ASIC2: variants seen among roughly 807,000 people sequenced by gnomAD.
ASIC2 encodes the protein acid sensing ion channel subunit 2.
Under a neutral mutation model 57.3 loss-of-function variants are expected in ASIC2, and 25 were observed. The ratio of observed to expected loss-of-function variants is 0.44; its 90% CI spans 0.32 to 0.61. The LOEUF (loss-of-function observed/expected upper bound fraction) is 0.61, where lower values mean the gene tolerates loss of function less well. Ranked by LOEUF, ASIC2 falls within the 20% of genes least tolerant of loss-of-function variation. The probability of loss-of-function intolerance (pLI) is 0.06; values close to 1 mark genes in which losing one functional copy is unlikely to be tolerated. For missense variants in ASIC2, 641 were observed against 738.1 expected (o/e 0.87, Z 1.52); for synonymous variants, 319 against 307.5 (o/e 1.04, Z -0.39).
intron 1 of ASIC2, among the ~76,000 whole-genome samples, chr17:34,098,320 A>G (rs1289600187): frequency 6.6e-6 from 1 of 152,210 alleles, no homozygotes; most frequent in Non-Finnish European, 1.5e-5. Flanking sequence ...AGGAAACTTG[A>G]TGACATCAAG....
intron 1 of ASIC2, among the ~76,000 whole-genome samples, chr17:33,921,081 A>G (rs1366846491): frequency 6.6e-6 from 1 of 152,184 alleles, no homozygotes; most frequent in East Asian, 1.9e-4. Flanking sequence ...TGCACTTATT[A>G]TTTTTTGTTG....
At chr17:33,226,618 GTT>G (rs1373721142) in intron 1 of ASIC2, among the ~76,000 whole-genome samples, 3 of 152,116 alleles carry the variant, frequency 2.0e-5, no homozygotes, top group African/African-American at 7.2e-5. Context: ...CCACTTATCT[GTT>G]TATGTGTTGT....
chr17:33,168,084 C>T (rs1433058493), intron 1 of ASIC2, among the ~76,000 whole-genome samples: 1 of 152,212 alleles, frequency 6.6e-6, no homozygotes, highest in African/African-American at 2.4e-5. Flanking sequence ...GCTTGTCCTA[C>T]TTTCTTTCTC....
intron 1 of ASIC2, among the ~76,000 whole-genome samples, chr17:34,074,579 T>C (rs1206078724): frequency 1.3e-5 from 2 of 152,112 alleles, no homozygotes; most frequent in African/African-American, 4.8e-5. Flanking sequence ...TATCCCAAAG[T>C]ATAGCGTTTA....
intron 1 of ASIC2, among the ~76,000 whole-genome samples, chr17:33,409,581 C>T (rs535531183): frequency 6.6e-6 from 1 of 152,344 alleles, no homozygotes; most frequent in East Asian, 1.9e-4. Context: ...TATTCCCTCA[C>T]CCCTCCACCA....
chr17:33,371,044 G>A (rs1275409733), intron 1 of ASIC2, among the ~76,000 whole-genome samples: 1 of 152,166 alleles, frequency 6.6e-6, no homozygotes, highest in Non-Finnish European at 1.5e-5. Flanking sequence ...AAAGTCATGG[G>A]GAGATGTGCT....
intron 1 of ASIC2, among the ~76,000 whole-genome samples, chr17:33,371,238 T>C (rs930252239): frequency 2.6e-5 from 4 of 152,344 alleles, no homozygotes; most frequent in Non-Finnish European, 4.4e-5. Context: ...CCCTTAACTG[T>C]AAACATCTAG....
intron 1 of ASIC2, among the ~76,000 whole-genome samples, chr17:33,203,778 C>T (rs1906964149): frequency 6.6e-6 from 1 of 152,218 alleles, no homozygotes; most frequent in East Asian, 1.9e-4. Flanking sequence ...GGGATCCTGG[C>T]TGCGGGTGGC....
intron 1 of ASIC2, chr17:34,039,698 C>A (rs1908031225): frequency 6.2e-7 from 1 of 1,612,152 alleles, no homozygotes; most frequent in Admixed American, 1.7e-5. Flanking sequence ...TTTCGCTGGT[C>A]ATTCTGCTTT....
intron 1 of ASIC2, among the ~76,000 whole-genome samples, chr17:34,049,228 G>C (rs528789224): frequency 6.6e-6 from 1 of 152,250 alleles, no homozygotes; most frequent in South Asian, 2.1e-4. Flanking sequence ...GGAGATCGAG[G>C]CCACAGTGAA....
intron 1 of ASIC2, among the ~76,000 whole-genome samples, chr17:33,495,702 A>T (rs1913909874): frequency 6.6e-6 from 1 of 152,184 alleles, no homozygotes; most frequent in Non-Finnish European, 1.5e-5. Context: ...TGAAGCTAAC[A>T]GGGTAATGGG....
intron 2 of ASIC2, among the ~76,000 whole-genome samples, chr17:33,102,410 T>C (rs2092215437): frequency 6.6e-6 from 1 of 152,250 alleles, no homozygotes; most frequent in Non-Finnish European, 1.5e-5. Context: ...ATTTTTTTCT[T>C]TATTTCTGTT....
In ASIC2 at chr17:33,070,687, C is replaced by T. The variant is rs183419768; in HGVS notation, c.987+18176G>A. Among the ~76,000 whole-genome samples the T allele has an allele frequency of 3.9e-3, 587 of 152,304 alleles. 2 individuals carry two copies. Among genetic ancestry groups the T allele is most frequent in the Middle Eastern group, 0.01 (3 of 294 alleles). On this transcript the variant is annotated intron_variant, in intron 3 of 9. Transcript: ENST00000225823. Reference sequence around the variant, plus strand: ...ACCACAATTAATACAATTTCTGGTGCTCCTCATTCCTTTTGTGTGAACCCA... The same window carrying T: ...ACCACAATTAATACAATTTCTGGTGTTCCTCATTCCTTTTGTGTGAACCCA...
At chr17:34,117,491 T>G (rs1260976983) in intron 1 of ASIC2, among the ~76,000 whole-genome samples, 1 of 152,166 alleles carries the variant, frequency 6.6e-6, no homozygotes, top group Non-Finnish European at 1.5e-5. Flanking sequence ...GCACCTCATT[T>G]TGAGGGAAAC....
rs1020196681 is a variant in ASIC2, at chr17:33,452,718, CTTTG to C, written c.556-340655_556-340652del. Among the ~76,000 whole-genome samples the C allele has an allele frequency of 2.1e-5, 3 of 140,660 alleles. No homozygotes were observed. The South Asian group carries it at 7.4e-4, about 35-fold the overall frequency. 92.3% of individuals were successfully genotyped at this position (140,660 alleles called of 152,430 possible). ...TACTGTCTCTAAAGATTGATGTTTT[CTTTG>C]TTTGGAACAGAGTGGGGTGTGTGTG... On this transcript the variant is annotated intron_variant, in intron 1 of 9. Coordinates refer to the ASIC2 transcript ENST00000359872.
At chr17:33,591,219 A>G (rs181334046) in intron 1 of ASIC2, among the ~76,000 whole-genome samples, 222 of 152,304 alleles carry the variant, frequency 1.5e-3, no homozygotes, top group African/African-American at 5.1e-3. Context: ...CCTATAGTCA[A>G]TCAAAACACA....
intron 1 of ASIC2, among the ~76,000 whole-genome samples, chr17:34,089,558 T>C (rs554863888): frequency 1.3e-5 from 2 of 152,312 alleles, no homozygotes; most frequent in African/African-American, 2.4e-5. Flanking sequence ...TCCACTTGCT[T>C]TGTTAGAAAA....
intron 1 of ASIC2, among the ~76,000 whole-genome samples, chr17:33,683,845 C>T (rs568618555): frequency 1.9e-4 from 29 of 152,270 alleles, no homozygotes; most frequent in African/African-American, 5.1e-4. Context: ...ACAGTTACAT[C>T]GGATTAGGAG....
chr17:33,346,535 C>T (rs568862899), intron 1 of ASIC2, among the ~76,000 whole-genome samples: 38 of 152,140 alleles, frequency 2.5e-4, no homozygotes, highest in African/African-American at 8.0e-4. Flanking sequence ...TGCACATGCT[C>T]GTGCACATGT....
Sources: allele counts gnomAD v4.1 joint callset (sites outside exome capture counted in the v4.1 genomes callset), GRCh38; gene constraint gnomAD v4.1.1; transcripts MANE v1.5; gene names NCBI Gene and HGNC (gene_info 2026-07-23, HGNC 2026-07-21).